The following ACTN2 variants were observed in gnomAD, a reference collection of about 807,000 sequenced individuals.
ACTN2 encodes the protein actinin alpha 2.
ACTN2 carries 39 observed loss-of-function variants against 113.8 expected under a neutral mutation model. The observed-to-expected ratio is 0.34, with a 90% CI of 0.27 to 0.45. The LOEUF (loss-of-function observed/expected upper bound fraction) is 0.45, where lower values mean the gene tolerates loss of function less well. Among genes scored for constraint, ACTN2 ranks in the 20% least tolerant of loss-of-function variants. ACTN2 has a pLI of 1.00. For missense variants in ACTN2, 992 were observed against 1,177.9 expected (o/e 0.84, Z 2.31); for synonymous variants, 429 against 444.1 (o/e 0.97, Z 0.43).
rs1658269747 is a variant in ACTN2, at chr1:236,717,918, G to A, written c.187G>A (p.Glu63Lys). ...AGCCGGCACCCAGATTGAGAACATC[G>A]AGGAAGACTTCAGGAATGGCCTTAA... ...RKAGTQIENI[E>K]EDFRNGLKLM... The change falls in exon 2 of 21, where the codon GAG (glutamate) becomes AAG (lysine). Residue 63 changes from glutamate to lysine, a missense_variant. By Grantham distance (56) the Glu-to-Lys change is moderately conservative. Around this residue, in one of 3 missense-constraint regions of ACTN2, gnomAD observed 220 missense variants for 337.5 expected, o/e 0.65. Transcript: ENST00000366578. 3 of 1,614,066 alleles carry A rather than the reference G, an allele frequency of 1.9e-6. No individual in the cohort carries two copies. Among genetic ancestry groups the A allele is most frequent in the African/African-American group, 1.3e-5 (1 of 75,022 alleles).
At chr1:236,739,773 G>A (rs1176074632) in intron 10 of ACTN2, among the ~76,000 whole-genome samples, 3 of 152,154 alleles carry the variant, frequency 2.0e-5, no homozygotes, top group African/African-American at 4.8e-5. Context: ...GGAAACGCTC[G>A]ATGAACAGCC....
At chr1:236,702,622 G>T (rs1558224489) in intron 1 of ACTN2, among the ~76,000 whole-genome samples, 1 of 152,134 alleles carries the variant, frequency 6.6e-6, no homozygotes, top group Non-Finnish European at 1.5e-5. Context: ...CTGAATACCA[G>T]TCAGCAGGAG....
At chr1:236,725,357 G>A (rs919133425) in intron 4 of ACTN2, among the ~76,000 whole-genome samples, 2 of 152,176 alleles carry the variant, frequency 1.3e-5, no homozygotes. Context: ...GCTGGGCACA[G>A]TAGCTCACAC....
chr1:236,751,413 C>A, intron 14 of ACTN2, 57 bp from the exon 15 acceptor site: 1 of 1,585,316 alleles, frequency 6.3e-7, no homozygotes, highest in Non-Finnish European at 8.6e-7. Flanking sequence ...AATATCAAAG[C>A]CTTTGAAATT....
rs776601775 is a variant in ACTN2 at position 236,739,545 on chromosome 1, C to T, written c.1107+13C>T. ...CAAGATGGTGTCGGTGAGTAGCAAG[C>T]GCCAAGCCCTCCTGGCGCCACGGGA... On this transcript the variant is annotated intron_variant, in intron 10 of 20. Transcript: ENST00000366578. The T allele has an allele frequency of 4.3e-6, 7 of 1,613,604 alleles. No homozygotes were observed. The highest frequency in any genetic ancestry group is 1.7e-5 in the Admixed American group (1 of 59,936).
At chr1:236,718,149 A>G (rs549079450) in intron 2 of ACTN2, among the ~76,000 whole-genome samples, 177 bp downstream of exon 2, 1 of 152,346 alleles carries the variant, frequency 6.6e-6, no homozygotes, top group African/African-American at 2.4e-5. Flanking sequence ...CGTTCTAAAA[A>G]AAGGAGTGAA....
intron 1 of ACTN2, among the ~76,000 whole-genome samples, chr1:236,699,064 A>G (rs770565576): frequency 3.9e-5 from 6 of 152,180 alleles, no homozygotes; most frequent in Non-Finnish European, 8.8e-5. Flanking sequence ...ATTTTATTGC[A>G]TATTTTTGGT....
At chr1:236,712,642 G>A (rs1440446950) in intron 1 of ACTN2, among the ~76,000 whole-genome samples, 2 of 152,162 alleles carry the variant, frequency 1.3e-5, no homozygotes, top group African/African-American at 2.4e-5. Context: ...CTGGGTGACA[G>A]AGCGAGACCG....
rs1444803908 is a variant in ACTN2 at position 236,717,785 on chromosome 1, C to G, written c.127-73C>G. 8.9e-6 allele frequency: 9 copies of G among 1,016,614 alleles called. No homozygotes were observed. The South Asian group carries it at 1.1e-4, about 12-fold the overall frequency. 63.0% of individuals were successfully genotyped at this position (1,016,614 alleles called of 1,614,324 possible). On this transcript the variant is annotated intron_variant, in intron 1 of 20. Coordinates refer to ENST00000366578, the MANE Select transcript of ACTN2 (RefSeq NM_001103.4). ...AGATTCCCAAGAACGTGTAAGGTGT[C>G]AAGTGTCGTCTGTGAGGAAGGGATC... is the stretch of plus-strand genomic sequence containing the variant.
chr1:236,727,308 T>C (rs1050911555), intron 5 of ACTN2, among the ~76,000 whole-genome samples: 1 of 152,096 alleles, frequency 6.6e-6, no homozygotes, highest in Non-Finnish European at 1.5e-5. Context: ...CTTGTGTATA[T>C]TTATTGGGCA....
Position 236,754,667 on chromosome 1 carries a change from A to T in ACTN2, c.1975-352A>T, listed in dbSNP as rs1273747263. 1.3e-5 allele frequency among the ~76,000 whole-genome samples: 2 copies of T among 151,822 alleles called. No homozygotes were observed. Among genetic ancestry groups the T allele is most frequent in the Admixed American group, 1.3e-4 (2 of 15,266 alleles). On this transcript the variant is annotated intron_variant, in intron 16 of 20. Transcript: ENST00000366578. This position sits in a 1 kb window ranked among gnomAD's most constrained non-coding sequence, Gnocchi z 4.9. The stretch of plus-strand genomic sequence containing the variant: ...GGTCTTCAATCTGTCTGGCAGCTCC[A>T]CCCAGGCAGCCCACCCCCAGCCTCC...
rs1658905637 is a variant in ACTN2, at chr1:236,737,204, T to C, written c.866T>C (p.Leu289Pro). 6.3e-7 allele frequency: 1 copy of C among 1,592,138 alleles called. No individual in the cohort carries two copies. Reference protein sequence around the residue: ...NERLMEEYERLASELLEWIRR... With the variant: ...NERLMEEYERPASELLEWIRR... The stretch of plus-strand genomic sequence containing the variant: ...AGGCTGATGGAAGAATATGAGAGGC[T>C]AGCGAGTGAGGTAAAGGAAACTGGT... The change falls in exon 9 of 21, where the codon CTA becomes CCA. Residue 289 changes from leucine (L) to proline (P), a missense_variant. Transcript: ENST00000366578.
chr1:236,695,571 C>G (rs1349940432), intron 1 of ACTN2, among the ~76,000 whole-genome samples: 1 of 122,120 alleles, frequency 8.2e-6, no homozygotes, highest in African/African-American at 3.1e-5. Flanking sequence ...GTTCCCCCCC[C>G]CTGCCCAGAT....
At chr1:236,711,990 G>A (rs763832902) in intron 1 of ACTN2, among the ~76,000 whole-genome samples, 1 of 152,152 alleles carries the variant, frequency 6.6e-6, no homozygotes, top group Non-Finnish European at 1.5e-5. Context: ...AAGGACATAT[G>A]GCTTGGTAAT....
At chr1:236,705,678 C>T (rs944475986) in intron 1 of ACTN2, among the ~76,000 whole-genome samples, 4 of 152,252 alleles carry the variant, frequency 2.6e-5, no homozygotes, top group African/African-American at 9.6e-5. Flanking sequence ...AGATTTTTCC[C>T]TGTATAAAGT....
chr1:236,744,132 A>G (rs1659154655), intron 11 of ACTN2, among the ~76,000 whole-genome samples: 1 of 152,180 alleles, frequency 6.6e-6, no homozygotes, highest in Admixed American at 6.5e-5. Context: ...GAAAATTTCT[A>G]ATATTTATTA....
intron 8 of ACTN2, 83 bp downstream of exon 8, chr1:236,735,803 G>A: frequency 1.7e-6 from 2 of 1,166,964 alleles, no homozygotes; most frequent in South Asian, 1.3e-5. Context: ...GTGTGTTTGT[G>A]CGCTTCACAT....
At position 236,762,632 on chromosome 1, in the gene ACTN2, G is replaced by T. The variant is rs754961446; in HGVS notation, c.*13G>T. On this transcript the variant is annotated 3_prime_UTR_variant, in exon 21 of 21. Transcript: ENST00000366578. ...GAGCGATCTGTGATGCTGAGCTTCT[G>T]TAATCACTCATCCCATCAGAATGCA... is the stretch of plus-strand genomic sequence containing the variant. 9.3e-6 allele frequency: 15 copies of T among 1,613,018 alleles called. No homozygotes were observed. Among genetic ancestry groups the T allele is most frequent in the Non-Finnish European group, 1.3e-5 (15 of 1,179,622 alleles).
chr1:236,754,186 G>A lies in ACTN2; in HGVS notation c.1974+105G>A. The A allele has an allele frequency of 1.4e-6, 2 of 1,462,004 alleles. No homozygotes were observed. The highest frequency in any genetic ancestry group is 1.9e-6 in the Non-Finnish European group (2 of 1,059,360). 90.6% of individuals were successfully genotyped at this position (1,462,004 alleles called of 1,614,324 possible). ...GCTGTGGTTTCCAGCCACCCACTCA[G>A]TCAGGTGGGAGCACCGTTCTGTTAT... On this transcript the variant is annotated intron_variant, in intron 16 of 20. Coordinates refer to ENST00000366578, the MANE Select transcript of ACTN2 (RefSeq NM_001103.4). The surrounding 1 kb of genome is among the most constrained non-coding windows in gnomAD (Gnocchi z 4.9).
Sources: allele counts gnomAD v4.1 joint callset (sites outside exome capture counted in the v4.1 genomes callset), GRCh38; gene constraint gnomAD v4.1.1; regional missense constraint gnomAD v4.1.1; non-coding constraint Gnocchi (gnomAD v3.1); transcripts MANE v1.5; gene names NCBI Gene and HGNC (gene_info 2026-07-23, HGNC 2026-07-21).